TACR3: variants seen among roughly 807,000 people sequenced by gnomAD.
TACR3 encodes the protein neuromedin-K receptor.
TACR3 carries 34 observed loss-of-function variants against 35.0 expected under a neutral mutation model. The ratio of observed to expected loss-of-function variants is 0.97; its 90% CI spans 0.74 to 1.30. TACR3 has a LOEUF of 1.30. Ranked by LOEUF, TACR3 falls within the 50% of genes most tolerant of loss-of-function variation. The pLI, the probability that TACR3 is intolerant of heterozygous loss-of-function variation, is 0.00. For synonymous variants in TACR3, 233 were observed against 221.1 expected (o/e 1.05, Z -0.48); for missense variants, 558 against 591.7 (o/e 0.94, Z 0.59).
At chr4:103,661,560 C>G (rs541513058) in intron 1 of TACR3, among the ~76,000 whole-genome samples, 1 of 152,236 alleles carries the variant, frequency 6.6e-6, no homozygotes, top group African/African-American at 2.4e-5. Flanking sequence ...CACAAGCAAG[C>G]TTAAAGCCCT....
chr4:103,658,574 T>G (rs1725777798), intron 1 of TACR3, among the ~76,000 whole-genome samples, 171 bp from the exon 2 acceptor site: 1 of 152,156 alleles, frequency 6.6e-6, no homozygotes, highest in Non-Finnish European at 1.5e-5. Flanking sequence ...AATCATGGCA[T>G]AGTCTAGGAA....
chr4:103,654,846 T>C (rs1411249107), intron 3 of TACR3, among the ~76,000 whole-genome samples: 1 of 151,874 alleles, frequency 6.6e-6, no homozygotes, highest in Non-Finnish European at 1.5e-5. Flanking sequence ...AAGAAAAGAG[T>C]ATCTTTCAAC....
Position 103,719,408 on chromosome 4 carries a change from GGGACCAGAGCGCGATGCGCCA to G in TACR3, c.247_267del (p.Trp83_Ser89del), listed in dbSNP as rs746116657. On this transcript the variant is annotated inframe_deletion, in exon 1 of 5. Transcript: ENST00000304883. Reference sequence around the variant, plus strand: ...ACTGCCACCACCACACCATACGCCAGGGACCAGAGCGCGATGCGCCAGGACGGCTGCACGAACTGGTTGGTG... The same window carrying G: ...ACTGCCACCACCACACCATACGCCAGGGACGGCTGCACGAACTGGTTGGTG... The G allele has an allele frequency of 1.2e-6, 2 of 1,614,266 alleles. No homozygotes were observed. Among genetic ancestry groups the G allele is most frequent in the Non-Finnish European group, 1.7e-6 (2 of 1,180,046 alleles).
At chr4:103,621,289 C>T (rs17224816) in intron 3 of TACR3, among the ~76,000 whole-genome samples, 115 of 152,202 alleles carry the variant, frequency 7.6e-4, no homozygotes, top group Middle Eastern at 3.4e-3. Flanking sequence ...CGAATAGTTT[C>T]GCTGAGTGGG....
intron 1 of TACR3, among the ~76,000 whole-genome samples, chr4:103,662,355 G>T (rs558147167): frequency 1.3e-5 from 2 of 152,102 alleles, no homozygotes; most frequent in South Asian, 2.1e-4. Flanking sequence ...TGAGTAGCTG[G>T]GACTACAGAT....
At chr4:103,668,558 G>T (rs1237627161) in intron 1 of TACR3, among the ~76,000 whole-genome samples, 1 of 151,852 alleles carries the variant, frequency 6.6e-6, no homozygotes, top group Non-Finnish European at 1.5e-5. Flanking sequence ...GTACATAACA[G>T]TTGTTTCGGC....
intron 1 of TACR3, among the ~76,000 whole-genome samples, chr4:103,716,884 GT>G (rs1723103866): frequency 6.6e-6 from 1 of 152,160 alleles, no homozygotes; most frequent in African/African-American, 2.4e-5. Context: ...AATATATACT[GT>G]TTACTATATT....
At chr4:103,696,359 A>G (rs1722520013) in intron 1 of TACR3, among the ~76,000 whole-genome samples, 1 of 152,144 alleles carries the variant, frequency 6.6e-6, no homozygotes, top group African/African-American at 2.4e-5. Context: ...GAGAAATGAA[A>G]AACAGAAAAA....
At chr4:103,651,053 A>G (rs1389457466) in intron 3 of TACR3, among the ~76,000 whole-genome samples, 1 of 138,186 alleles carries the variant, frequency 7.2e-6, no homozygotes, top group Non-Finnish European at 1.5e-5. Context: ...TAAAATAATG[A>G]CCACCTGGCT....
Position 103,588,507 on chromosome 4 carries a change from C to G in TACR3, c.*1175G>C, listed in dbSNP as rs1723825829. The G allele has an allele frequency of 6.6e-6, 1 of 152,186 alleles. No homozygotes were observed. The highest frequency in any genetic ancestry group is 3.4e-3 in the Middle Eastern group (1 of 294). The allele number at this position is 152,186 out of a possible 1,614,324, so 9.4% of individuals were successfully genotyped here. ...CTTTCTTAGGACTATTATCTCATTT[C>G]TTTCTGGTAAGACTTCTGAATAATC... On this transcript the variant is annotated 3_prime_UTR_variant, in exon 5 of 5. Coordinates refer to ENST00000304883, the MANE Select transcript of TACR3 (RefSeq NM_001059.3).
intron 3 of TACR3, among the ~76,000 whole-genome samples, chr4:103,609,042 T>C (rs189928390): frequency 1.6e-3 from 238 of 152,276 alleles, no homozygotes; most frequent in African/African-American, 5.1e-3. Context: ...AAATCATACA[T>C]ATTTCATATA....
intron 3 of TACR3, among the ~76,000 whole-genome samples, chr4:103,601,070 C>T (rs1243009306): frequency 6.6e-6 from 1 of 151,960 alleles, no homozygotes; most frequent in Non-Finnish European, 1.5e-5. Flanking sequence ...TTAAAGTCTC[C>T]CATTATTATT....
intron 3 of TACR3, among the ~76,000 whole-genome samples, chr4:103,627,454 G>A (rs1448023809): frequency 6.6e-6 from 1 of 151,490 alleles, no homozygotes; most frequent in Non-Finnish European, 1.5e-5. Context: ...AACCTGGGCG[G>A]CAGAGGTAGC....
intron 3 of TACR3, among the ~76,000 whole-genome samples, chr4:103,614,246 C>G (rs1248309050): frequency 6.6e-6 from 1 of 152,050 alleles, no homozygotes; most frequent in African/African-American, 2.4e-5. Flanking sequence ...CTTTTTCTTT[C>G]TCTCTCTGGT....
chr4:103,600,096 TG>T (rs1193145801), intron 3 of TACR3, among the ~76,000 whole-genome samples: 1 of 152,128 alleles, frequency 6.6e-6, no homozygotes, highest in Admixed American at 6.6e-5. Flanking sequence ...GGACTTTTTT[TG>T]GTTGGTAAGC....
chr4:103,602,184 C>T (rs542683410), intron 3 of TACR3, among the ~76,000 whole-genome samples: 1 of 152,326 alleles, frequency 6.6e-6, no homozygotes, highest in East Asian at 1.9e-4. Flanking sequence ...GCATCGGCTA[C>T]TGAGGCTTCT....
intron 3 of TACR3, among the ~76,000 whole-genome samples, chr4:103,605,536 A>G (rs1191149589): frequency 3.4e-5 from 5 of 148,890 alleles, no homozygotes; most frequent in East Asian, 2.0e-4. Flanking sequence ...GGTGTGAGAT[A>G]GTATCTCATT....
chr4:103,593,929 G>T (rs1192841502), intron 3 of TACR3, among the ~76,000 whole-genome samples: 1 of 152,000 alleles, frequency 6.6e-6, no homozygotes, highest in Non-Finnish European at 1.5e-5. Flanking sequence ...TATATTTCGG[G>T]CACCTAGACT....
At chr4:103,608,102 C>T (rs908718510) in intron 3 of TACR3, among the ~76,000 whole-genome samples, 9 of 152,070 alleles carry the variant, frequency 5.9e-5, no homozygotes, top group African/African-American at 1.4e-4. Flanking sequence ...AAATGACACA[C>T]GCACTCATAT....
Sources: allele counts gnomAD v4.1 joint callset (sites outside exome capture counted in the v4.1 genomes callset), GRCh38; gene constraint gnomAD v4.1.1; transcripts MANE v1.5; gene names NCBI Gene and HGNC (gene_info 2026-07-23, HGNC 2026-07-21).